Variants in LOC128092253 observed in about 807,000 individuals in gnomAD.
the LOC128092253 span, among the ~76,000 whole-genome samples, chr6:133,953,934 G>T: frequency 6.6e-6 from 1 of 152,104 alleles, no homozygotes; most frequent in African/African-American, 2.4e-5. Flanking sequence ...CGGCAGCCTC[G>T]CTTTATTTTA....
the LOC128092253 span, among the ~76,000 whole-genome samples, chr6:133,977,277 C>A: frequency 6.6e-6 from 1 of 152,082 alleles, no homozygotes; most frequent in Non-Finnish European, 1.5e-5. Context: ...TTTCAGGTTA[C>A]TCATATTATA....
chr6:133,979,978 AAAAT>A, the LOC128092253 span: 2 of 938,732 alleles, frequency 2.1e-6, no homozygotes, highest in Non-Finnish European at 2.9e-6. Flanking sequence ...TAACATTTGA[AAAAT>A]AAATAATATA....
At chr6:133,976,005 C>G in the LOC128092253 span, among the ~76,000 whole-genome samples, 1 of 152,058 alleles carries the variant, frequency 6.6e-6, no homozygotes, top group Non-Finnish European at 1.5e-5. Context: ...GGTGGAGTTG[C>G]TTAAACACAT....
the LOC128092253 span, among the ~76,000 whole-genome samples, chr6:133,972,552 C>T: frequency 1.3e-5 from 2 of 152,202 alleles, no homozygotes; most frequent in Non-Finnish European, 2.9e-5. Context: ...CACAACTACT[C>T]AGTTGTGCTG....
At chr6:133,964,264 A>G in the LOC128092253 span, among the ~76,000 whole-genome samples, 3 of 152,116 alleles carry the variant, frequency 2.0e-5, no homozygotes, top group Admixed American at 6.5e-5. Flanking sequence ...TGAGTGACGC[A>G]CCCTTCAACC....
chr6:133,973,965 AT>A, the LOC128092253 span, among the ~76,000 whole-genome samples: 2 of 149,704 alleles, frequency 1.3e-5, no homozygotes, highest in Admixed American at 6.7e-5. Context: ...ACATATATAT[AT>A]ATATTTGTTT....
At chr6:133,962,077 C>A in the LOC128092253 span, among the ~76,000 whole-genome samples, 1 of 152,068 alleles carries the variant, frequency 6.6e-6, no homozygotes, top group African/African-American at 2.4e-5. Context: ...ATTTAGGCAG[C>A]TATAAAACCG....
At chr6:133,962,818 CA>C in the LOC128092253 span, among the ~76,000 whole-genome samples, 2 of 152,132 alleles carry the variant, frequency 1.3e-5, no homozygotes, top group Non-Finnish European at 2.9e-5. Context: ...TATACAATTT[CA>C]GGGGGTTCCT....
chr6:133,969,384 A>G, the LOC128092253 span, among the ~76,000 whole-genome samples: 1 of 152,010 alleles, frequency 6.6e-6, no homozygotes, highest in African/African-American at 2.4e-5. Flanking sequence ...CTTTGATACA[A>G]AATTATTCAC....
chr6:133,978,288 A>G, the LOC128092253 span, among the ~76,000 whole-genome samples: 1 of 152,220 alleles, frequency 6.6e-6, no homozygotes, highest in African/African-American at 2.4e-5. Flanking sequence ...TACTGTTACA[A>G]TATCCTAGAT....
At chr6:133,969,025 C>T in the LOC128092253 span, 2 of 152,148 alleles carry the variant, frequency 1.3e-5, no homozygotes, top group African/African-American at 2.4e-5. Flanking sequence ...AGAATCTTAA[C>T]TAGGTTACTG....
At chr6:133,979,653 G>GGTTT in the LOC128092253 span, among the ~76,000 whole-genome samples, 1 of 152,194 alleles carries the variant, frequency 6.6e-6, no homozygotes, top group African/African-American at 2.4e-5. Context: ...GACATGATTT[G>GGTTT]GTTTGTTTGT....
At chr6:133,978,582 G>A in the LOC128092253 span, among the ~76,000 whole-genome samples, 2 of 152,080 alleles carry the variant, frequency 1.3e-5, no homozygotes, top group African/African-American at 4.8e-5. Flanking sequence ...AATTATTTGA[G>A]GTAGCTCAAA....
At chr6:133,975,426 A>G in the LOC128092253 span, among the ~76,000 whole-genome samples, 1 of 152,226 alleles carries the variant, frequency 6.6e-6, no homozygotes, top group Admixed American at 6.5e-5. Context: ...TAATTTAAAA[A>G]TTAGAAATTG....
the LOC128092253 span, among the ~76,000 whole-genome samples, chr6:133,958,665 G>C: frequency 7.9e-5 from 12 of 152,268 alleles, no homozygotes; most frequent in African/African-American, 2.9e-4. Flanking sequence ...AAATGTTTCT[G>C]CCTAAACAAA....
the LOC128092253 span, among the ~76,000 whole-genome samples, chr6:133,977,836 G>C: frequency 6.6e-6 from 1 of 152,148 alleles, no homozygotes; most frequent in Non-Finnish European, 1.5e-5. Context: ...GTCTCGTGGT[G>C]CAAAATTGGC....
At chr6:133,975,088 G>A in the LOC128092253 span, among the ~76,000 whole-genome samples, 1 of 152,050 alleles carries the variant, frequency 6.6e-6, no homozygotes, top group Non-Finnish European at 1.5e-5. Flanking sequence ...TGGAAGGAAG[G>A]AAACAATGGA....
chr6:133,953,801 A>G, the LOC128092253 span, among the ~76,000 whole-genome samples: 1 of 152,166 alleles, frequency 6.6e-6, no homozygotes, highest in African/African-American at 2.4e-5. Context: ...TCTCGGAGCC[A>G]TCACCCAGGG....
the LOC128092253 span, among the ~76,000 whole-genome samples, chr6:133,978,527 C>G: frequency 6.6e-6 from 1 of 152,162 alleles, no homozygotes; most frequent in African/African-American, 2.4e-5. Context: ...ATATATCTAT[C>G]CATCAGTTCC....
Sources: allele counts gnomAD v4.1 joint callset (sites outside exome capture counted in the v4.1 genomes callset), GRCh38; gene constraint gnomAD v4.1.1; transcripts MANE v1.5.